Variants in PHLPP1 observed in about 807,000 individuals in gnomAD.
PHLPP1 encodes PH domain leucine-rich repeat-containing protein phosphatase 1.
Under a neutral mutation model 117.2 loss-of-function variants are expected in PHLPP1, and 42 were observed. The ratio of observed to expected loss-of-function variants is 0.36; its 90% CI spans 0.28 to 0.46. The LOEUF is 0.46. Ranked by LOEUF, PHLPP1 falls within the 20% of genes least tolerant of loss-of-function variation. The pLI is 1.00. For synonymous variants in PHLPP1, 1,042 were observed against 970.7 expected (o/e 1.07, Z -1.37); for missense variants, 2,084 against 2,241.9 (o/e 0.93, Z 1.42).
intron 6 of PHLPP1, among the ~76,000 whole-genome samples, chr18:62,897,080 T>C (rs1260737128): frequency 1.3e-5 from 2 of 152,220 alleles, no homozygotes; most frequent in African/African-American, 4.8e-5. Context: ...AAAACCCTCA[T>C]ATTCCAGAAT....
Position 62,978,990 on chromosome 18 carries a change from C to T in PHLPP1, c.4713C>T (p.Cys1571=). The T allele has an allele frequency of 6.2e-7, 1 of 1,612,564 alleles. No homozygotes were observed. Among genetic ancestry groups the T allele is most frequent in the South Asian group, 1.1e-5 (1 of 90,754 alleles). Residue 1571 remains cysteine, a synonymous_variant, in exon 17 of 17, where the codon TGC becomes TGT. Transcript: ENST00000262719. This position sits in a 1 kb window ranked among gnomAD's most constrained non-coding sequence, Gnocchi z 7.0. ...TGGAGGTGGAGGTGGACATCCACTG[C>T]AGCCGGGCCAAGGAGAAGGAGAAAC... ...SRVEVEVDIH[C]SRAKEKEKQQ...
At chr18:62,934,449 T>C (rs1331105188) in intron 10 of PHLPP1, among the ~76,000 whole-genome samples, 1 of 152,214 alleles carries the variant, frequency 6.6e-6, no homozygotes, top group Non-Finnish European at 1.5e-5. Context: ...GAGACTGTTA[T>C]CCTCAGTGAA....
intron 1 of PHLPP1, among the ~76,000 whole-genome samples, chr18:62,786,954 A>AAATACTTTCCCCATCTT (rs755806456): frequency 3.9e-5 from 6 of 152,234 alleles, no homozygotes; most frequent in Non-Finnish European, 4.4e-5. Context: ...GGTAATTTGC[A>AAATACTTTCCCCATCTT]AATACTTTCC....
At chr18:62,820,521 G>A (rs1914420162) in intron 1 of PHLPP1, among the ~76,000 whole-genome samples, 1 of 152,166 alleles carries the variant, frequency 6.6e-6, no homozygotes, top group South Asian at 2.1e-4. Context: ...GAATCATGGG[G>A]GCAGTTTCCC....
chr18:62,880,034 G>A (rs1161123476), intron 4 of PHLPP1, among the ~76,000 whole-genome samples: 1 of 151,662 alleles, frequency 6.6e-6, no homozygotes, highest in African/African-American at 2.4e-5. Context: ...TTTTATAAGA[G>A]CTTTGTTCTC....
chr18:62,763,473 C>T (rs1275037801), intron 1 of PHLPP1, among the ~76,000 whole-genome samples: 2 of 152,154 alleles, frequency 1.3e-5, no homozygotes, highest in African/African-American at 4.8e-5. Context: ...GTCTCCCGTG[C>T]AGCAAGTCAT....
intron 14 of PHLPP1, among the ~76,000 whole-genome samples, chr18:62,964,531 G>A (rs1042373906): frequency 6.6e-6 from 1 of 152,102 alleles, no homozygotes; most frequent in Non-Finnish European, 1.5e-5. Flanking sequence ...GTGTCATTTG[G>A]CCTTGTGCTC....
At chr18:62,869,795 GA>G (rs1358643505) in intron 4 of PHLPP1, among the ~76,000 whole-genome samples, 1 of 152,248 alleles carries the variant, frequency 6.6e-6, no homozygotes, top group African/African-American at 2.4e-5. Flanking sequence ...GCATGGGGAA[GA>G]TAGGCCTAGG....
rs530269210 is a variant in PHLPP1, at chr18:62,934,954, T to C, written c.2961-6764T>C. On this transcript the variant is annotated intron_variant, in intron 10 of 16. Coordinates refer to ENST00000262719, the MANE Select transcript of PHLPP1 (RefSeq NM_194449.4). Reference sequence around the variant, plus strand: ...TTAATGGGGAAACCCCATTGGTATTTCTACTAAGATCAGTAACAGGACAAG... The same window carrying C: ...TTAATGGGGAAACCCCATTGGTATTCCTACTAAGATCAGTAACAGGACAAG... Among the ~76,000 whole-genome samples, 14 of 152,344 alleles carry C rather than the reference T, an allele frequency of 9.2e-5. No homozygotes were observed. In the East Asian group the frequency reaches 2.7e-3, roughly 29 times the overall value.
At chr18:62,792,722 C>T (rs1913498154) in intron 1 of PHLPP1, among the ~76,000 whole-genome samples, 1 of 151,692 alleles carries the variant, frequency 6.6e-6, no homozygotes, top group African/African-American at 2.4e-5. Flanking sequence ...AATTTATTAG[C>T]CAGGTATGGT....
At chr18:62,803,650 T>C (rs1290407900) in intron 1 of PHLPP1, among the ~76,000 whole-genome samples, 1 of 152,222 alleles carries the variant, frequency 6.6e-6, no homozygotes, top group East Asian at 1.9e-4. Context: ...AATGCCGCCA[T>C]GAACATTCTT....
chr18:62,788,985 G>T (rs1470950081), intron 1 of PHLPP1, among the ~76,000 whole-genome samples: 1 of 152,114 alleles, frequency 6.6e-6, no homozygotes, highest in Non-Finnish European at 1.5e-5. Flanking sequence ...ACGTGCAATG[G>T]AAGTGGCTTG....
At position 62,838,921 on chromosome 18, in the gene PHLPP1, C is replaced by T; in HGVS notation, c.1899+12C>T. On this transcript the variant is annotated intron_variant, in intron 3 of 16. Coordinates refer to ENST00000262719, the MANE Select transcript of PHLPP1 (RefSeq NM_194449.4). ...GACAAGTCTCCAAGGTAAGCAAGCA[C>T]TTAATCCAGGAATCCACTCAGCTTC... 1 of 1,613,574 alleles carries T rather than the reference C, an allele frequency of 6.2e-7. No individual in the cohort carries two copies. Among genetic ancestry groups the T allele is most frequent in the South Asian group, 1.1e-5 (1 of 91,060 alleles).
intron 4 of PHLPP1, among the ~76,000 whole-genome samples, chr18:62,861,458 A>G (rs1915631506): frequency 6.6e-6 from 1 of 152,188 alleles, no homozygotes. Context: ...TGTCTCCAAA[A>G]CAGATTTAAG....
chr18:62,731,130 T>TGA (rs1377002582), intron 1 of PHLPP1: 7 of 152,190 alleles, frequency 4.6e-5, no homozygotes, highest in African/African-American at 1.7e-4. Flanking sequence ...TTGGCAACGT[T>TGA]TTTTCCAACA....
Position 62,715,707 on chromosome 18 carries a change from G to C in PHLPP1, c.24G>C (p.Thr8=). 1.6e-6 allele frequency: 2 copies of C among 1,286,932 alleles called. No individual in the cohort carries two copies. The highest frequency in any genetic ancestry group is 2.0e-6 in the Non-Finnish European group (2 of 1,014,552). The allele number at this position is 1,286,932 out of a possible 1,614,324, so 79.7% of individuals were successfully genotyped here. Residue 8 remains threonine (T), a synonymous_variant, in exon 1 of 17, where the codon ACG becomes ACC. Transcript: ENST00000262719. ...CAATGGAGCCCGCCGCCGCGGCCAC[G>C]GTACAGCGACTCCCCGAGCTCGGCA... MEPAAAA[T]VQRLPELGRE... is the part of the protein sequence containing the mutation.
chr18:62,751,249 A>G (rs879699114), intron 1 of PHLPP1, among the ~76,000 whole-genome samples: 1 of 152,200 alleles, frequency 6.6e-6, no homozygotes, highest in Non-Finnish European at 1.5e-5. Context: ...ATAAATGTGA[A>G]GCATATAGAA....
intron 10 of PHLPP1, among the ~76,000 whole-genome samples, chr18:62,922,889 A>G (rs1909516453): frequency 6.6e-6 from 1 of 152,228 alleles, no homozygotes; most frequent in Non-Finnish European, 1.5e-5. Context: ...GGTGACTCCC[A>G]GGATTGAGAA....
At chr18:62,734,543 T>C (rs1319356754) in intron 1 of PHLPP1, among the ~76,000 whole-genome samples, 1 of 152,236 alleles carries the variant, frequency 6.6e-6, no homozygotes, top group Non-Finnish European at 1.5e-5. Flanking sequence ...CTTGTAGTAA[T>C]GTGGATGACA....
Sources: gnomAD v4.1 joint callset for allele counts (sites outside exome capture counted in the v4.1 genomes callset) on GRCh38, gnomAD v4.1.1 for gene constraint, Gnocchi (gnomAD v3.1) non-coding constraint, MANE v1.5 for transcripts, NCBI Gene and HGNC (gene_info 2026-07-23, HGNC 2026-07-21) for gene names.